Variants in DCC observed in about 807,000 individuals in gnomAD.
DCC encodes the protein DCC netrin 1 receptor.
Under a neutral mutation model 172.5 loss-of-function variants are expected in DCC, and 58 were observed. The ratio of observed to expected loss-of-function variants is 0.34; its 90% CI spans 0.27 to 0.42. DCC has a LOEUF of 0.42. Ranked by LOEUF, DCC falls within the 10% of genes least tolerant of loss-of-function variation. The probability of loss-of-function intolerance (pLI) is 1.00; values close to 1 mark genes in which losing one functional copy is unlikely to be tolerated. For missense variants in DCC, 1,740 were observed against 1,791.0 expected, an observed-to-expected ratio of 0.97 and a Z score of 0.51; for synonymous variants, 709 against 644.5, an observed-to-expected ratio of 1.10 and a Z score of -1.52.
intron 5 of DCC, among the ~76,000 whole-genome samples, chr18:53,002,462 A>T (rs984027332): frequency 6.6e-6 from 1 of 152,042 alleles, no homozygotes; most frequent in Middle Eastern, 3.2e-3. Context: ...CTGCTGCACC[A>T]CCTTTTTCTT....
At chr18:53,058,292 A>C (rs1487159761) in intron 5 of DCC, among the ~76,000 whole-genome samples, 1 of 152,186 alleles carries the variant, frequency 6.6e-6, no homozygotes, top group African/African-American at 2.4e-5. Context: ...AGAAAAAATA[A>C]GATTTGAGCA....
chr18:52,542,974 C>T (rs1328095020), intron 1 of DCC, among the ~76,000 whole-genome samples: 1 of 152,172 alleles, frequency 6.6e-6, no homozygotes, highest in African/African-American at 2.4e-5. Flanking sequence ...TGGGCTTAAC[C>T]TGCCCTTTAG....
At position 52,958,221 on chromosome 18, in the gene DCC, T is replaced by C. The variant is rs1237262655; in HGVS notation, c.985+32851T>C. ...CCTTTTATTATTTTGTATGATTTAT[T>C]TTATAGCATCTTTTAGTTTTTTTAT... On this transcript the variant is annotated intron_variant, in intron 5 of 28. Coordinates refer to ENST00000442544, the MANE Select transcript of DCC (RefSeq NM_005215.4). 2.6e-5 allele frequency among the ~76,000 whole-genome samples: 4 copies of C among 152,180 alleles called. No individual in the cohort carries two copies. The South Asian group carries it at 8.3e-4, about 31-fold the overall frequency.
intron 7 of DCC, among the ~76,000 whole-genome samples, chr18:53,127,024 G>A (rs1313397507): frequency 6.6e-6 from 1 of 151,948 alleles, no homozygotes; most frequent in Non-Finnish European, 1.5e-5. Context: ...AATTGTAGGT[G>A]CATCTCTTTC....
chr18:52,512,087 C>G (rs2031461496), intron 1 of DCC, among the ~76,000 whole-genome samples: 2 of 152,112 alleles, frequency 1.3e-5, no homozygotes, highest in South Asian at 4.2e-4. Flanking sequence ...CTTACTTTAC[C>G]TGAAAGAAGC....
At chr18:52,702,262 C>T (rs1007641221) in intron 1 of DCC, among the ~76,000 whole-genome samples, 1 of 152,166 alleles carries the variant, frequency 6.6e-6, no homozygotes, top group African/African-American at 2.4e-5. Flanking sequence ...CCCTCCAACC[C>T]TACTTGTTAT....
rs547889612 is a variant in DCC, at chr18:53,156,821, C to T, written c.1262-535C>T. ...TCGAATATAGATACATGTGTTCATT[C>T]GTTTATTCATTTATCCATATTTTTA... On this transcript the variant is annotated intron_variant, in intron 7 of 28. Coordinates refer to ENST00000442544, the MANE Select transcript of DCC (RefSeq NM_005215.4). Among the ~76,000 whole-genome samples, 8 of 152,212 alleles carry T rather than the reference C, an allele frequency of 5.3e-5. No homozygotes were observed. The South Asian group carries it at 6.2e-4, about 12-fold the overall frequency.
chr18:52,779,258 T>A (rs9956376), intron 2 of DCC, among the ~76,000 whole-genome samples: 8,045 of 152,194 alleles, frequency 0.053, 286 homozygotes, highest in South Asian at 0.16. Flanking sequence ...GCACCCATCA[T>A]CCTGTCATCT....
chr18:52,441,462 A>T (rs947497604), intron 1 of DCC, among the ~76,000 whole-genome samples: 52 of 152,262 alleles, frequency 3.4e-4, no homozygotes, highest in African/African-American at 1.2e-3. Context: ...CCTTATTTTT[A>T]GTCTGAAGTA....
chr18:53,255,987 G>T (rs1423306485), intron 12 of DCC, among the ~76,000 whole-genome samples: 1 of 152,102 alleles, frequency 6.6e-6, no homozygotes, highest in Admixed American at 6.5e-5. Flanking sequence ...TTTTTCATGT[G>T]TCTTTTGGCT....
chr18:53,351,337 G>GTA (rs1165093443), intron 15 of DCC, among the ~76,000 whole-genome samples: 2,350 of 11,546 alleles, frequency 0.2, 218 homozygotes, highest in East Asian at 0.55. Flanking sequence ...TATATACAGT[G>GTA]TATATATATA....
intron 1 of DCC, among the ~76,000 whole-genome samples, chr18:52,614,063 A>T (rs1340409730): frequency 2.0e-5 from 3 of 151,800 alleles, no homozygotes; most frequent in Non-Finnish European, 2.9e-5. Flanking sequence ...CGCTTTCCAA[A>T]TTTTTTTTTC....
In DCC at chr18:53,351,291, G is replaced by GTATATATATATATA. The variant is rs147758557; in HGVS notation, c.2359+11395_2359+11408dup. 3.5e-4 allele frequency among the ~76,000 whole-genome samples: 12 copies of GTATATATATATATA among 34,446 alleles called. No individual in the cohort carries two copies. The East Asian group carries it at 5.1e-3, about 15-fold the overall frequency. 22.6% of individuals were successfully genotyped at this position (34,446 alleles called of 152,430 possible). A position where few individuals can be genotyped will look rare whatever the true frequency, so the allele number is the denominator to read the frequency against. Reference sequence around the variant, plus strand: ...AGAAAAGATCTTCTCATTGAGTACAGTATATATATATATATATATATATAC... The same window carrying GTATATATATATATA: ...AGAAAAGATCTTCTCATTGAGTACAGTATATATATATATATATATATATATATATATATATATAC... On this transcript the variant is annotated intron_variant, in intron 15 of 28. Transcript: ENST00000442544.
chr18:52,813,020 C>T (rs1404784751), intron 2 of DCC, among the ~76,000 whole-genome samples: 1 of 152,166 alleles, frequency 6.6e-6, no homozygotes, highest in Admixed American at 6.5e-5. Flanking sequence ...AAAAGAAACA[C>T]ATGGCTTCTG....
intron 1 of DCC, among the ~76,000 whole-genome samples, chr18:52,711,368 C>G (rs1043418913): frequency 6.6e-6 from 1 of 152,196 alleles, no homozygotes; most frequent in Non-Finnish European, 1.5e-5. Flanking sequence ...GCTGGTATTA[C>G]AGGCATCCAC....
chr18:52,497,274 AAAAAAAAT>A lies in DCC; in HGVS notation c.91+156398_91+156405del, dbSNP rs1568198359. On this transcript the variant is annotated intron_variant, in intron 1 of 28. Transcript: ENST00000442544. ...AGACCCTGTATCAAAAAAAAAAAAA[AAAAAAAAT>A]ATATATATATATATATATATATATA... is the stretch of plus-strand genomic sequence containing the variant. Among the ~76,000 whole-genome samples, 8 of 84,138 alleles carry A rather than the reference AAAAAAAAT, an allele frequency of 9.5e-5. 1 individual carries two copies. Among genetic ancestry groups the A allele is most frequent in the African/African-American group, 3.2e-4 (7 of 22,050 alleles). The allele number at this position is 84,138 out of a possible 152,430, so 55.2% of individuals were successfully genotyped here.
intron 1 of DCC, among the ~76,000 whole-genome samples, chr18:52,579,744 T>A (rs1334370063): frequency 6.6e-6 from 1 of 152,190 alleles, no homozygotes; most frequent in Non-Finnish European, 1.5e-5. Flanking sequence ...CTATCTGGAA[T>A]TGTCATGAGT....
chr18:52,381,732 C>T (rs1252687437), intron 1 of DCC, among the ~76,000 whole-genome samples: 1 of 152,106 alleles, frequency 6.6e-6, no homozygotes, highest in East Asian at 1.9e-4. Context: ...TCTGCTTTCA[C>T]TGGGGCGGCT....
At chr18:53,167,917 G>T (rs1161588618) in intron 8 of DCC, among the ~76,000 whole-genome samples, 3 of 152,076 alleles carry the variant, frequency 2.0e-5, no homozygotes, top group African/African-American at 4.8e-5. Flanking sequence ...ACAAGCTTTT[G>T]CCAAACAGAG....
Sources: allele counts gnomAD v4.1 joint callset (sites outside exome capture counted in the v4.1 genomes callset), GRCh38; gene constraint gnomAD v4.1.1; transcripts MANE v1.5; gene names NCBI Gene and HGNC (gene_info 2026-07-23, HGNC 2026-07-21).